Variants in ISG20 observed in about 807,000 individuals in gnomAD.
The protein encoded by ISG20 is interferon stimulated exonuclease gene 20, also known as interferon-stimulated gene 20 kDa protein.
ISG20 carries 8 observed loss-of-function variants against 11.1 expected under a neutral mutation model. The ratio of observed to expected loss-of-function variants is 0.72; its 90% CI spans 0.42 to 1.30. The LOEUF is 1.30. Ranked by LOEUF, ISG20 falls within the 50% of genes most tolerant of loss-of-function variation. The pLI, the probability that ISG20 is intolerant of heterozygous loss-of-function variation, is 0.01. For synonymous variants in ISG20, 110 were observed against 101.7 expected (o/e 1.08, Z -0.49); for missense variants, 243 against 250.2 (o/e 0.97, Z 0.19).
At chr15:88,653,795 T>C (rs1377868380) in intron 3 of ISG20, among the ~76,000 whole-genome samples, 1 of 142,522 alleles carries the variant, frequency 7.0e-6, no homozygotes, top group Non-Finnish European at 1.5e-5. Context: ...GCTAACATGG[T>C]AGAGCTGTCA....
At chr15:88,637,661 G>A (rs762300985), upstream of ISG20, among the ~76,000 whole-genome samples, 10 of 152,128 alleles carry the variant, frequency 6.6e-5, no homozygotes, top group Non-Finnish European at 1.3e-4. Context: ...ACTGAGACCC[G>A]AGGAGGTGAG....
In ISG20 at chr15:88,650,769, A is replaced by G. The variant is rs2058259846; in HGVS notation, c.229-1341A>G. 1 of 158,006 alleles carries G rather than the reference A, an allele frequency of 6.3e-6. No individual in the cohort carries two copies. The highest frequency in any genetic ancestry group is 1.4e-5 in the Non-Finnish European group (1 of 72,624). The allele number at this position is 158,006 out of a possible 1,614,324, so 9.8% of individuals were successfully genotyped here. ...CATGGTGGCTTTGGGGTGGCCAGAC[A>G]TTTATTTATTTATTTATTTATTGAG... is the stretch of plus-strand genomic sequence containing the variant. On this transcript the variant is annotated intron_variant, in intron 2 of 3. Transcript: ENST00000306072. The surrounding 1 kb of genome is among the most constrained non-coding windows in gnomAD (Gnocchi z 4.0).
At chr15:88,642,382 C>T (rs1296080108) in intron 2 of ISG20, among the ~76,000 whole-genome samples, 1 of 152,338 alleles carries the variant, frequency 6.6e-6, no homozygotes, top group South Asian at 2.1e-4. Flanking sequence ...AGGATTTTAA[C>T]ATATGAATTT....
At chr15:88,644,710 G>A (rs183835324) in intron 2 of ISG20, among the ~76,000 whole-genome samples, 69 of 152,290 alleles carry the variant, frequency 4.5e-4, no homozygotes, top group Middle Eastern at 3.4e-3. Flanking sequence ...AGAGGTGGGA[G>A]TCTGTTCAGG....
chr15:88,655,490 C>T lies in ISG20; in HGVS notation c.505C>T (p.Arg169Ter), dbSNP rs766567241. 10 of 1,613,356 alleles carry T rather than the reference C, an allele frequency of 6.2e-6. No individual in the cohort carries two copies. The highest frequency in any genetic ancestry group is 1.6e-4 in the Middle Eastern group (1 of 6,072). Residue 169 changes from arginine to a stop codon, truncating the protein, a stop_gained, in exon 4 of 4, where the codon CGA becomes TGA. Transcript: ENST00000306072. LOFTEE classifies it low-confidence loss of function (END_TRUNC). ...MELYQISQRIRARRGLPRLAV... is the reference protein window; with the variant it reads ...MELYQISQRI ...GCTCTATCAAATCTCCCAGAGAATC[C>T]GAGCCCGCCGAGGGCTGCCCCGCCT... is the stretch of plus-strand genomic sequence containing the variant.
chr15:88,638,447 G>C (rs1431811259), upstream of ISG20, among the ~76,000 whole-genome samples: 1 of 152,196 alleles, frequency 6.6e-6, no homozygotes, highest in Non-Finnish European at 1.5e-5. Context: ...AGCCCCACTG[G>C]AGGCAGAGCT....
chr15:88,642,063 TGTA>T (rs1346213903), intron 2 of ISG20, among the ~76,000 whole-genome samples: 1 of 151,600 alleles, frequency 6.6e-6, no homozygotes, highest in African/African-American at 2.4e-5. Context: ...CCTCCCAAGT[TGTA>T]GTATAGGTGT....
At position 88,639,911 on chromosome 15, in the gene ISG20, C is replaced by T. The variant is rs1163565228; in HGVS notation, c.228+317C>T. On this transcript the variant is annotated intron_variant, in intron 2 of 3. Coordinates refer to ENST00000306072, the MANE Select transcript of ISG20 (RefSeq NM_002201.6). This position sits in a 1 kb window ranked among gnomAD's most constrained non-coding sequence, Gnocchi z 4.2. ...TACATTCCCCATTCTTCCCTCTACC[C>T]CAGGCTGCCACTGGTGAGACCTGTG... Among the ~76,000 whole-genome samples the T allele has an allele frequency of 6.6e-6, 1 of 152,240 alleles. No homozygotes were observed. The highest frequency in any genetic ancestry group is 2.4e-5 in the African/African-American group (1 of 41,466).
At chr15:88,653,521 C>T (rs1396310852) in intron 3 of ISG20, among the ~76,000 whole-genome samples, 1 of 152,114 alleles carries the variant, frequency 6.6e-6, no homozygotes, top group Non-Finnish European at 1.5e-5. Flanking sequence ...GCACATAAGG[C>T]ACATAAGGGC....
chr15:88,636,518 T>A (rs577149229), upstream of ISG20, among the ~76,000 whole-genome samples: 62 of 152,262 alleles, frequency 4.1e-4, no homozygotes, highest in Middle Eastern at 6.8e-3. Flanking sequence ...TGCTAATTCC[T>A]ATGGGAAAAG....
rs1479676982 is a variant in ISG20, at chr15:88,643,146, T to A, written c.228+3552T>A. On this transcript the variant is annotated intron_variant, in intron 2 of 3. Transcript: ENST00000306072. This position sits in a 1 kb window ranked among gnomAD's most constrained non-coding sequence, Gnocchi z 4.4. ...GCTACTCGAGGAGGCTGAGGTGAAGTATTGCTTGAGCCCAGGAGTTTGAGG... is the reference window on the plus strand; with the variant it reads ...GCTACTCGAGGAGGCTGAGGTGAAGAATTGCTTGAGCCCAGGAGTTTGAGG... Among the ~76,000 whole-genome samples, 3 of 151,758 alleles carry A rather than the reference T, an allele frequency of 2.0e-5. No homozygotes were observed. Among genetic ancestry groups the A allele is most frequent in the Admixed American group, 1.3e-4 (2 of 15,234 alleles).
In ISG20 at chr15:88,639,627, A is replaced by G. The variant is rs772068712; in HGVS notation, c.228+33A>G. On this transcript the variant is annotated intron_variant, in intron 2 of 3. Transcript: ENST00000306072. This position sits in a 1 kb window ranked among gnomAD's most constrained non-coding sequence, Gnocchi z 4.2. ...AAGGCCCGGCCAGCAGGGGCTTTGG[A>G]AATAACCCCTCTCCCACTTCCCTGG... 5 of 1,540,398 alleles carry G rather than the reference A, an allele frequency of 3.2e-6. No homozygotes were observed. Among genetic ancestry groups the G allele is most frequent in the Non-Finnish European group, 4.5e-6 (5 of 1,114,242 alleles).
intron 2 of ISG20, chr15:88,651,850 T>C (rs2058279352): frequency 1.5e-6 from 2 of 1,330,806 alleles, no homozygotes; most frequent in Non-Finnish European, 1.9e-6. Context: ...ATACTCAGGA[T>C]GTACTAACCA....
chr15:88,645,777 C>T lies in ISG20; in HGVS notation c.228+6183C>T, dbSNP rs543567324. Among the ~76,000 whole-genome samples, 8 of 152,252 alleles carry T rather than the reference C, an allele frequency of 5.3e-5. No individual in the cohort carries two copies. The East Asian group carries it at 9.7e-4, about 18-fold the overall frequency. On this transcript the variant is annotated intron_variant, in intron 2 of 3. Coordinates refer to ENST00000306072, the MANE Select transcript of ISG20 (RefSeq NM_002201.6). ...GATGCACTTACCCACTCCTGCCCAC[C>T]ATCGCTGCCCCACTGGTCCCTAGCC...
upstream of ISG20, chr15:88,638,865 C>T (rs917538891): frequency 1.8e-5 from 3 of 170,794 alleles, no homozygotes; most frequent in Admixed American, 5.5e-5. Context: ...CTGAGCTCCC[C>T]ACCTGCCGGT....
At chr15:88,642,689 T>TCACTA (rs1435885468) in intron 2 of ISG20, among the ~76,000 whole-genome samples, 15 of 152,194 alleles carry the variant, frequency 9.9e-5, no homozygotes, top group African/African-American at 3.6e-4. Context: ...CGATCTCGGC[T>TCACTA]CACTACAACC....
intron 2 of ISG20, chr15:88,651,720 G>A (rs566133790): frequency 1.1e-6 from 1 of 934,970 alleles, no homozygotes; most frequent in African/African-American, 1.8e-5. Context: ...ACAGATCCTG[G>A]GGACTAGGGT....
chr15:88,651,865 T>A, intron 2 of ISG20: 1 of 1,372,958 alleles, frequency 7.3e-7, no homozygotes, highest in Non-Finnish European at 9.4e-7. Context: ...TAACCATTGC[T>A]CCTACACAGT....
chr15:88,652,799 T>C (rs1723991344), intron 3 of ISG20, among the ~76,000 whole-genome samples: 1 of 150,338 alleles, frequency 6.7e-6, no homozygotes, highest in African/African-American at 2.5e-5. Context: ...ATCAAGCCAG[T>C]TACCCTGTGG....
Sources: gnomAD v4.1 joint callset for allele counts (sites outside exome capture counted in the v4.1 genomes callset) on GRCh38, gnomAD v4.1.1 for gene constraint, Gnocchi (gnomAD v3.1) non-coding constraint, MANE v1.5 for transcripts, NCBI Gene and HGNC (gene_info 2026-07-23, HGNC 2026-07-21) for gene names.